TCF7L2: variants seen among roughly 807,000 people sequenced by gnomAD.
The protein encoded by TCF7L2 is transcription factor 7-like 2.
In TCF7L2, 23 loss-of-function variants were observed where a neutral mutation model predicts 77.9. That is an observed-to-expected ratio of 0.30 (90% confidence interval 0.21 to 0.42). The LOEUF (loss-of-function observed/expected upper bound fraction) is 0.42, where lower values mean the gene tolerates loss of function less well. Ranked by LOEUF, TCF7L2 falls within the 10% of genes least tolerant of loss-of-function variation. TCF7L2 has a pLI of 1.00. For synonymous variants in TCF7L2, 413 were observed against 340.2 expected, an observed-to-expected ratio of 1.21 and a Z score of -2.36; for missense variants, 654 against 793.1, an observed-to-expected ratio of 0.82 and a Z score of 2.11.
intron 5 of TCF7L2, among the ~76,000 whole-genome samples, chr10:113,069,286 G>A (rs1014669609): frequency 4.6e-5 from 7 of 151,102 alleles, no homozygotes; most frequent in African/African-American, 7.3e-5. Context: ...CTGGAGTGCC[G>A]TGGTGCAATC....
intron 3 of TCF7L2, among the ~76,000 whole-genome samples, chr10:112,952,835 G>C (rs60140501): frequency 0.38 from 52,025 of 138,510 alleles, 10,858 homozygotes; most frequent in African/African-American, 0.6. Context: ...CCACCGGCCT[G>C]TGCCCCCTGC....
intron 5 of TCF7L2, among the ~76,000 whole-genome samples, chr10:113,078,054 T>C: frequency 6.6e-6 from 1 of 151,952 alleles, no homozygotes; most frequent in Non-Finnish European, 1.5e-5. Flanking sequence ...ATTCCTTTTA[T>C]GGCTGAATAA....
At chr10:113,036,128 CATCATCATCAT>C (rs2051186697) in intron 4 of TCF7L2, among the ~76,000 whole-genome samples, 6 of 124,612 alleles carry the variant, frequency 4.8e-5, no homozygotes, top group African/African-American at 2.2e-4. Flanking sequence ...TCATCATCAT[CATCATCATCAT>C]CATCATCATC....
At chr10:113,138,900 A>G (rs2067855119) in intron 5 of TCF7L2, among the ~76,000 whole-genome samples, 1 of 152,144 alleles carries the variant, frequency 6.6e-6, no homozygotes, top group South Asian at 2.1e-4. Flanking sequence ...GGGAATCTGA[A>G]TGAGTGAAAA....
intron 10 of TCF7L2, 145 bp from the exon 11 acceptor site, chr10:113,152,188 G>A (rs1300082996): frequency 1.2e-6 from 1 of 842,828 alleles, no homozygotes; most frequent in African/African-American, 1.7e-5. Flanking sequence ...CCGACGGTCA[G>A]TATGTACAGA....
chr10:113,111,557 C>T (rs764534540), intron 5 of TCF7L2, among the ~76,000 whole-genome samples: 9 of 152,132 alleles, frequency 5.9e-5, no homozygotes, highest in Non-Finnish European at 1.0e-4. Context: ...TTTCAGAGGC[C>T]AAAGCAGGAG....
At chr10:112,958,663 G>A (rs760524237) in intron 3 of TCF7L2, among the ~76,000 whole-genome samples, 2 of 152,068 alleles carry the variant, frequency 1.3e-5, no homozygotes, top group Non-Finnish European at 2.9e-5. Flanking sequence ...CCTTCGTGCT[G>A]GGCCAATTAT....
chr10:113,160,088 T>C (rs978762516), intron 12 of TCF7L2, 96 bp downstream of exon 14: 22 of 1,130,816 alleles, frequency 1.9e-5, no homozygotes, highest in South Asian at 1.4e-4. Context: ...GCTCTGTGTG[T>C]GGATCTCAGG....
chr10:113,074,968 T>G (rs1330943493), intron 5 of TCF7L2, among the ~76,000 whole-genome samples: 2 of 152,228 alleles, frequency 1.3e-5, no homozygotes, highest in African/African-American at 4.8e-5. Flanking sequence ...AATGTGTTCA[T>G]TGAGCAACTA....
At chr10:112,960,797 C>A (rs1415622019) in intron 3 of TCF7L2, among the ~76,000 whole-genome samples, 1 of 151,864 alleles carries the variant, frequency 6.6e-6, no homozygotes, top group African/African-American at 2.4e-5. Context: ...AAGCAATTCT[C>A]CTGCCTCAGC....
intron 4 of TCF7L2, among the ~76,000 whole-genome samples, chr10:113,009,804 T>C (rs574261338): frequency 2.0e-5 from 3 of 152,322 alleles, no homozygotes; most frequent in Admixed American, 6.5e-5. Context: ...CTTTCATACA[T>C]TGAAGACAAC....
intron 5 of TCF7L2, among the ~76,000 whole-genome samples, chr10:113,136,846 C>T (rs2067485686): frequency 6.6e-6 from 1 of 152,138 alleles, no homozygotes; most frequent in Admixed American, 6.5e-5. Flanking sequence ...TAGGGTGGTG[C>T]AGTTTTGAAC....
At chr10:113,098,145 C>T (rs2061261438) in intron 5 of TCF7L2, among the ~76,000 whole-genome samples, 1 of 151,586 alleles carries the variant, frequency 6.6e-6, no homozygotes, top group South Asian at 2.1e-4. Context: ...TTCCCCATTT[C>T]CTTGGTAGGG....
intron 11 of TCF7L2, among the ~76,000 whole-genome samples, chr10:113,152,648 C>T (rs560749172): frequency 6.6e-6 from 1 of 152,180 alleles, no homozygotes; most frequent in Non-Finnish European, 1.5e-5. Flanking sequence ...CACAGTCATT[C>T]TTCAGGGTGG....
chr10:113,003,472 G>C (rs1258215334), intron 4 of TCF7L2, among the ~76,000 whole-genome samples: 1 of 152,152 alleles, frequency 6.6e-6, no homozygotes, highest in African/African-American at 2.4e-5. Flanking sequence ...CCACTTTTGG[G>C]CTCAGAAAGA....
At chr10:113,077,652 G>C (rs1186320246) in intron 5 of TCF7L2, among the ~76,000 whole-genome samples, 1 of 150,198 alleles carries the variant, frequency 6.7e-6, no homozygotes, top group Non-Finnish European at 1.5e-5. Context: ...TTCAAGGTTC[G>C]TCCATGTTGC....
chr10:113,151,967 T>G lies in TCF7L2; in HGVS notation c.1161+83T>G. On this transcript the variant is annotated intron_variant, in intron 10 of 13. Coordinates refer to ENST00000627217, the MANE Select transcript of TCF7L2 (RefSeq NM_001146274.2). This position sits in a 1 kb window ranked among gnomAD's most constrained non-coding sequence, Gnocchi z 5.2. ...AGCAGGTCAGGTGGCAGAATGTCTC[T>G]GTCCCCATTTCTTTGGAGAATTCTT... The G allele has an allele frequency of 4.8e-5, 72 of 1,501,422 alleles. No individual in the cohort carries two copies. The highest frequency in any genetic ancestry group is 6.0e-5 in the Non-Finnish European group (67 of 1,124,306). 93.0% of individuals were successfully genotyped at this position (1,501,422 alleles called of 1,614,324 possible).
At chr10:113,016,107 C>G (rs577406353) in intron 4 of TCF7L2, among the ~76,000 whole-genome samples, 2 of 151,484 alleles carry the variant, frequency 1.3e-5, no homozygotes, top group Non-Finnish European at 2.9e-5. Flanking sequence ...CTTTGTTGCC[C>G]AGGCTGGAGT....
At chr10:113,108,500 C>G (rs961989091) in intron 5 of TCF7L2, among the ~76,000 whole-genome samples, 1 of 152,106 alleles carries the variant, frequency 6.6e-6, no homozygotes, top group Non-Finnish European at 1.5e-5. Context: ...CCATTGTTTT[C>G]TCAGTATTAA....
Sources: gnomAD v4.1 joint callset for allele counts (sites outside exome capture counted in the v4.1 genomes callset) on GRCh38, gnomAD v4.1.1 for gene constraint, Gnocchi (gnomAD v3.1) non-coding constraint, MANE v1.5 for transcripts, NCBI Gene and HGNC (gene_info 2026-07-23, HGNC 2026-07-21) for gene names.